CCNY: variants seen among roughly 807,000 people sequenced by gnomAD.
The protein encoded by CCNY is cyclin-Y.
In CCNY, 19 loss-of-function variants were observed where a neutral mutation model predicts 42.8. The ratio of observed to expected loss-of-function variants is 0.44; its 90% CI spans 0.31 to 0.65. The LOEUF is 0.65. CCNY is among the 30% of genes least tolerant of loss of function. The pLI is 0.07. For missense variants in CCNY, 370 were observed against 437.3 expected (o/e 0.85, Z 1.37); for synonymous variants, 165 against 162.7 (o/e 1.01, Z -0.11).
chr10:35,317,208 C>A (rs1835771012), intron 3 of CCNY, among the ~76,000 whole-genome samples: 2 of 152,214 alleles, frequency 1.3e-5, no homozygotes, highest in Admixed American at 1.3e-4. Context: ...CCAGGCTGGT[C>A]TCAAACTCCT....
chr10:35,261,892 G>A (rs576208040), intron 3 of CCNY, among the ~76,000 whole-genome samples: 41 of 151,474 alleles, frequency 2.7e-4, no homozygotes, highest in Non-Finnish European at 4.3e-4. Flanking sequence ...ATGGTGGTGC[G>A]TGCCTGTAAT....
intron 1 of CCNY, among the ~76,000 whole-genome samples, chr10:35,411,234 C>T (rs542192570): frequency 8.5e-5 from 13 of 152,112 alleles, no homozygotes; most frequent in South Asian, 4.2e-4. Flanking sequence ...AGCGATAGGC[C>T]GGGTGCGGTG....
At chr10:35,415,372 G>A (rs1838001357) in intron 1 of CCNY, among the ~76,000 whole-genome samples, 1 of 151,870 alleles carries the variant, frequency 6.6e-6, no homozygotes, top group Admixed American at 6.6e-5. Context: ...ATGGAGCCTA[G>A]CCTTGAGGGT....
intron 3 of CCNY, among the ~76,000 whole-genome samples, chr10:35,297,605 T>C (rs941704078): frequency 3.3e-5 from 5 of 152,166 alleles, no homozygotes; most frequent in African/African-American, 7.2e-5. Flanking sequence ...CCATAGTCTC[T>C]GCCCTAAAAC....
chr10:35,376,978 T>C (rs1837066300), intron 1 of CCNY, among the ~76,000 whole-genome samples: 1 of 152,162 alleles, frequency 6.6e-6, no homozygotes, highest in Admixed American at 6.5e-5. Flanking sequence ...ATAGCAGTGA[T>C]GATTGTACAA....
In CCNY at chr10:35,419,533, C is replaced by CTTTTTTTTTTT. The variant is rs34429228; in HGVS notation, c.155-63866_155-63856dup. ...AGGACTGGGTTGCATTAGACCGTTC[C>CTTTTTTTTTTT]TTTTTTTTTTTTTTTAGCAATCTGG... On this transcript the variant is annotated intron_variant, in intron 1 of 9. Transcript: ENST00000374704. Among the ~76,000 whole-genome samples the CTTTTTTTTTTT allele has an allele frequency of 2.4e-4, 31 of 129,678 alleles. 1 individual carries two copies. Among genetic ancestry groups the CTTTTTTTTTTT allele is most frequent in the African/African-American group, 6.0e-4 (19 of 31,730 alleles). The allele number at this position is 129,678 out of a possible 152,430, so 85.1% of individuals were successfully genotyped here.
At chr10:35,398,018 GC>G (rs1837562148) in intron 1 of CCNY, among the ~76,000 whole-genome samples, 1 of 152,210 alleles carries the variant, frequency 6.6e-6, no homozygotes, top group Non-Finnish European at 1.5e-5. Flanking sequence ...TCTGAGCAGT[GC>G]TGGAGGAGAA....
At chr10:35,347,052 C>T (rs973009473) in intron 1 of CCNY, among the ~76,000 whole-genome samples, 5 of 152,326 alleles carry the variant, frequency 3.3e-5, no homozygotes, top group Non-Finnish European at 5.9e-5. Flanking sequence ...GCCATGGTAA[C>T]AACTCTGGGC....
At chr10:35,370,430 C>T (rs768549566) in intron 1 of CCNY, among the ~76,000 whole-genome samples, 8 of 151,936 alleles carry the variant, frequency 5.3e-5, no homozygotes, top group African/African-American at 1.5e-4. Context: ...GGATTACAGG[C>T]GTGAGCCACC....
chr10:35,279,028 G>A (rs1159028673), intron 3 of CCNY, among the ~76,000 whole-genome samples: 1 of 151,880 alleles, frequency 6.6e-6, no homozygotes, highest in African/African-American at 2.4e-5. Flanking sequence ...GGCTCAGTGC[G>A]GCTCTCCAGA....
intron 7 of CCNY, among the ~76,000 whole-genome samples, chr10:35,544,581 A>T (rs1589195405): frequency 6.6e-6 from 1 of 152,354 alleles, no homozygotes; most frequent in East Asian, 1.9e-4. Flanking sequence ...GATGTTGTCC[A>T]CCAGCAAAGC....
upstream of CCNY, among the ~76,000 whole-genome samples, chr10:35,332,683 C>A (rs1418440207): frequency 6.6e-6 from 1 of 152,180 alleles, no homozygotes; most frequent in African/African-American, 2.4e-5. Flanking sequence ...CGGCTCACTG[C>A]AACCTCCACC....
intron 8 of CCNY, among the ~76,000 whole-genome samples, chr10:35,558,965 G>C (rs1212417337): frequency 6.6e-6 from 1 of 152,242 alleles, no homozygotes; most frequent in Non-Finnish European, 1.5e-5. Flanking sequence ...GGCTTTGAAA[G>C]TTGGTAAGGA....
chr10:35,297,292 T>G (rs1835482389), intron 3 of CCNY, among the ~76,000 whole-genome samples: 1 of 152,092 alleles, frequency 6.6e-6, no homozygotes. Context: ...AGGCTTTTGA[T>G]AAAATTCAAC....
chr10:35,481,217 A>G (rs1325998641), intron 1 of CCNY, among the ~76,000 whole-genome samples: 1 of 152,172 alleles, frequency 6.6e-6, no homozygotes, highest in Non-Finnish European at 1.5e-5. Context: ...CATCCAAATG[A>G]TAGTACTATT....
intron 7 of CCNY, among the ~76,000 whole-genome samples, chr10:35,543,981 A>G (rs1421621194): frequency 1.3e-5 from 2 of 152,390 alleles, no homozygotes; most frequent in East Asian, 1.9e-4. Flanking sequence ...ATAAAGAGAG[A>G]AAATATTTTT....
At chr10:35,398,569 C>T (rs116364008) in intron 1 of CCNY, among the ~76,000 whole-genome samples, 22 of 151,906 alleles carry the variant, frequency 1.4e-4, no homozygotes, top group African/African-American at 2.7e-4. Context: ...GCCAAGTTCC[C>T]GGTGGTAGAA....
At chr10:35,470,754 C>A (rs936794526) in intron 1 of CCNY, among the ~76,000 whole-genome samples, 8 of 152,188 alleles carry the variant, frequency 5.3e-5, no homozygotes, top group African/African-American at 1.9e-4. Flanking sequence ...CTGGTGACAG[C>A]CTCCTGGAGC....
At chr10:35,274,245 T>C (rs1645622603) in intron 3 of CCNY, among the ~76,000 whole-genome samples, 1 of 152,138 alleles carries the variant, frequency 6.6e-6, no homozygotes, top group Non-Finnish European at 1.5e-5. Flanking sequence ...CCATCAGACC[T>C]TGTGAGACTT....
Sources: allele counts gnomAD v4.1 joint callset (sites outside exome capture counted in the v4.1 genomes callset), GRCh38; gene constraint gnomAD v4.1.1; transcripts MANE v1.5; gene names NCBI Gene and HGNC (gene_info 2026-07-23, HGNC 2026-07-21).